DACH1: variants seen among roughly 807,000 people sequenced by gnomAD.
The protein encoded by DACH1 is dachshund homolog 1.
A neutral mutation model predicts 54.2 loss-of-function variants in DACH1; 12 were observed. That is an observed-to-expected ratio of 0.22 (90% confidence interval 0.14 to 0.36). DACH1 has a LOEUF of 0.36. DACH1 is among the 10% of genes least tolerant of loss of function. The pLI is 1.00. For synonymous variants in DACH1, 386 were observed against 366.2 expected (o/e 1.05, Z -0.62); for missense variants, 805 against 929.8 (o/e 0.87, Z 1.75).
intron 3 of DACH1, among the ~76,000 whole-genome samples, chr13:71,626,113 T>A (rs1165698266): frequency 6.6e-6 from 1 of 151,986 alleles, no homozygotes; most frequent in African/African-American, 2.4e-5. Flanking sequence ...TGGTAAATTA[T>A]ACTCCACAAA....
chr13:71,842,991 C>T (rs926119251), intron 1 of DACH1, among the ~76,000 whole-genome samples: 3 of 152,162 alleles, frequency 2.0e-5, no homozygotes, highest in Non-Finnish European at 2.9e-5. Flanking sequence ...AGACACACTT[C>T]TATCATTTAA....
rs75225732 is a variant in DACH1 at position 71,598,404 on chromosome 13, G to A, written c.1127-25392C>T. Among the ~76,000 whole-genome samples the A allele has an allele frequency of 7.2e-4, 109 of 151,976 alleles. 1 individual carries two copies. The East Asian group carries it at 0.018, about 25-fold the overall frequency. On this transcript the variant is annotated intron_variant, in intron 3 of 10. Transcript: ENST00000613252. ...TGAGTAGCTGGGATTACAGCCATGC[G>A]CCACCACGCCCGGCTAATTTTTGTA... is the stretch of plus-strand genomic sequence containing the variant.
intron 1 of DACH1, among the ~76,000 whole-genome samples, chr13:71,799,050 G>T (rs1011567774): frequency 6.6e-6 from 1 of 152,058 alleles, no homozygotes; most frequent in East Asian, 1.9e-4. Flanking sequence ...TTTTGAGGAA[G>T]CTAAAGTTTC....
At chr13:71,654,454 T>TAAA (rs1287260256) in intron 2 of DACH1, among the ~76,000 whole-genome samples, 1 of 113,488 alleles carries the variant, frequency 8.8e-6, no homozygotes, top group Admixed American at 9.0e-5. Context: ...TAAAATAAAA[T>TAAA]AAAGTAAAAT....
At chr13:71,533,769 AACAC>A (rs141125520) in intron 6 of DACH1, among the ~76,000 whole-genome samples, 88 of 148,200 alleles carry the variant, frequency 5.9e-4, no homozygotes, top group African/African-American at 1.5e-3. Context: ...CACACACACA[AACAC>A]ACACACACAC....
intron 6 of DACH1, among the ~76,000 whole-genome samples, chr13:71,515,765 G>A (rs1881108311): frequency 6.6e-6 from 1 of 151,914 alleles, no homozygotes; most frequent in Admixed American, 6.6e-5. Flanking sequence ...CAAGTACCTT[G>A]TGAACCTTGT....
chr13:71,463,748 C>A (rs998587473), intron 10 of DACH1, among the ~76,000 whole-genome samples: 2 of 151,862 alleles, frequency 1.3e-5, no homozygotes, highest in African/African-American at 2.4e-5. Flanking sequence ...TTGGTAATAT[C>A]CTGAAACACT....
At chr13:71,567,179 A>T (rs1243355812) in intron 4 of DACH1, among the ~76,000 whole-genome samples, 3 of 151,984 alleles carry the variant, frequency 2.0e-5, no homozygotes, top group Admixed American at 6.6e-5. Context: ...CACATAACAG[A>T]TCAGCAAAGA....
chr13:71,557,327 T>C (rs1009758195), intron 5 of DACH1, among the ~76,000 whole-genome samples, 169 bp from the exon 6 acceptor site: 2 of 152,146 alleles, frequency 1.3e-5, no homozygotes, highest in African/African-American at 2.4e-5. Context: ...TGATAACTGA[T>C]AAACATGATA....
intron 1 of DACH1, among the ~76,000 whole-genome samples, chr13:71,864,964 A>T (rs1391463346): frequency 6.6e-6 from 1 of 152,178 alleles, no homozygotes; most frequent in East Asian, 1.9e-4. Flanking sequence ...AGAGAAAGAC[A>T]GAAAGAAAAC....
intron 10 of DACH1, among the ~76,000 whole-genome samples, chr13:71,459,802 T>C (rs530054397): frequency 6.6e-6 from 1 of 152,126 alleles, no homozygotes; most frequent in Non-Finnish European, 1.5e-5. Context: ...CACCTAATAT[T>C]GCTAAAATTA....
At chr13:71,777,975 G>GT (rs1303299804) in intron 1 of DACH1, among the ~76,000 whole-genome samples, 2 of 151,782 alleles carry the variant, frequency 1.3e-5, no homozygotes, top group African/African-American at 4.8e-5. Flanking sequence ...AAATTAGCTG[G>GT]TAGTAAGGGG....
At chr13:71,806,735 C>T (rs1049940673) in intron 1 of DACH1, among the ~76,000 whole-genome samples, 1 of 152,130 alleles carries the variant, frequency 6.6e-6, no homozygotes, top group South Asian at 2.1e-4. Context: ...GCCTACCTAT[C>T]GTGAAATATT....
Position 71,553,445 on chromosome 13 carries a change from C to CATAT in DACH1, c.1570+3575_1570+3578dup, listed in dbSNP as rs777663191. Among the ~76,000 whole-genome samples, 19 of 81,834 alleles carry CATAT rather than the reference C, an allele frequency of 2.3e-4. 5 individuals are homozygous for CATAT. Among genetic ancestry groups the CATAT allele is most frequent in the African/African-American group, 1.7e-3 (19 of 11,326 alleles). 53.7% of individuals were successfully genotyped at this position (81,834 alleles called of 152,430 possible). A position where few individuals can be genotyped will look rare whatever the true frequency, so the allele number is the denominator to read the frequency against. ...CATATATGTATATTAGACATATATC[C>CATAT]ATATATATATACATATATACATATA... On this transcript the variant is annotated intron_variant, in intron 6 of 10. Coordinates refer to ENST00000613252, the MANE Select transcript of DACH1 (RefSeq NM_080759.6).
In DACH1 at chr13:71,567,432, T is replaced by C. The variant is rs922320312; in HGVS notation, c.1299+5408A>G. 2.0e-5 allele frequency among the ~76,000 whole-genome samples: 3 copies of C among 151,540 alleles called. No individual in the cohort carries two copies. In the South Asian group the frequency reaches 6.2e-4, roughly 31 times the overall value. ...CGTATAAAATTTTTATTAGGTAAAA[T>C]GAGCAGAACAAAAAAAAATAGAAAG... On this transcript the variant is annotated intron_variant, in intron 4 of 10. Coordinates refer to ENST00000613252, the MANE Select transcript of DACH1 (RefSeq NM_080759.6).
intron 1 of DACH1, among the ~76,000 whole-genome samples, chr13:71,748,875 TTTCTTTCTTTC>T (rs369937628): frequency 0.6 from 63,992 of 107,110 alleles, 18,990 homozygotes; most frequent in Non-Finnish European, 0.72. Flanking sequence ...TCTTTCTTTC[TTTCTTTCTTTC>T]TTTCTTTCTT....
At chr13:71,813,133 C>T (rs961482303) in intron 1 of DACH1, among the ~76,000 whole-genome samples, 2 of 152,030 alleles carry the variant, frequency 1.3e-5, no homozygotes, top group Admixed American at 1.3e-4. Flanking sequence ...AACTGAGTAC[C>T]TACTATGTTA....
chr13:71,666,166 T>C (rs942874507), intron 2 of DACH1, among the ~76,000 whole-genome samples: 1 of 152,162 alleles, frequency 6.6e-6, no homozygotes, highest in Non-Finnish European at 1.5e-5. Flanking sequence ...ATATTGATTG[T>C]ATATATAAAA....
intron 2 of DACH1, among the ~76,000 whole-genome samples, chr13:71,646,925 A>G (rs1405187963): frequency 6.6e-6 from 1 of 152,222 alleles, no homozygotes; most frequent in Non-Finnish European, 1.5e-5. Flanking sequence ...TGCCATTACT[A>G]TTTACCAATA....
Sources: allele counts gnomAD v4.1 joint callset (sites outside exome capture counted in the v4.1 genomes callset), GRCh38; gene constraint gnomAD v4.1.1; transcripts MANE v1.5; gene names NCBI Gene and HGNC (gene_info 2026-07-23, HGNC 2026-07-21).